Variants in ITPR2 observed in about 807,000 individuals in gnomAD.
ITPR2 encodes inositol 1,4,5-trisphosphate receptor type 2.
A neutral mutation model predicts 317.1 loss-of-function variants in ITPR2; 207 were observed. The observed-to-expected ratio is 0.65, with a 90% CI of 0.58 to 0.73. The LOEUF is 0.73. Ranked by LOEUF, ITPR2 falls within the 30% of genes least tolerant of loss-of-function variation. The probability of loss-of-function intolerance (pLI) is 0.00; values close to 1 mark genes in which losing one functional copy is unlikely to be tolerated. For synonymous variants in ITPR2, 1,156 were observed against 1,149.1 expected (o/e 1.01, Z -0.12); for missense variants, 2,613 against 3,284.0 (o/e 0.80, Z 4.99).
chr12:26,829,732 G>A (rs1230902104), intron 1 of ITPR2, among the ~76,000 whole-genome samples: 2 of 152,074 alleles, frequency 1.3e-5, no homozygotes, highest in African/African-American at 4.8e-5. Flanking sequence ...TACTACAACT[G>A]TCCTTTGAAA....
intron 46 of ITPR2, 21 bp downstream of exon 46, chr12:26,443,522 C>G: frequency 6.4e-7 from 1 of 1,567,828 alleles, no homozygotes; most frequent in Non-Finnish European, 8.8e-7. Flanking sequence ...TGGTCTCTTT[C>G]AATAAATAAT....
chr12:26,535,348 C>T, intron 37 of ITPR2, among the ~76,000 whole-genome samples: 1 of 152,112 alleles, frequency 6.6e-6, no homozygotes, highest in East Asian at 1.9e-4. Flanking sequence ...CGGTCGAGGT[C>T]ACAGAAGACC....
chr12:26,829,526 C>T (rs1179459421), intron 1 of ITPR2, among the ~76,000 whole-genome samples: 1 of 152,104 alleles, frequency 6.6e-6, no homozygotes, highest in East Asian at 1.9e-4. Flanking sequence ...ATTTTTTGTA[C>T]AGACAGGGTC....
At chr12:26,608,786 T>TAA (rs34171335) in intron 26 of ITPR2, among the ~76,000 whole-genome samples, 15 of 100,280 alleles carry the variant, frequency 1.5e-4, no homozygotes, top group Non-Finnish European at 1.9e-4. Flanking sequence ...ACTTTTAAAT[T>TAA]AAAAAAAAAA....
intron 2 of ITPR2, among the ~76,000 whole-genome samples, chr12:26,777,626 T>C (rs1046382784): frequency 1.3e-5 from 2 of 152,158 alleles, no homozygotes; most frequent in African/African-American, 2.4e-5. Flanking sequence ...AATTGATAAA[T>C]GCATTCCTAC....
intron 2 of ITPR2, among the ~76,000 whole-genome samples, chr12:26,783,984 G>C (rs979606864): frequency 1.3e-5 from 2 of 151,498 alleles, no homozygotes; most frequent in East Asian, 3.9e-4. Flanking sequence ...AACAGGAAAA[G>C]GACTTTAGTG....
At chr12:26,463,111 AT>A (rs1942079867) in intron 45 of ITPR2, among the ~76,000 whole-genome samples, 2 of 152,198 alleles carry the variant, frequency 1.3e-5, no homozygotes, top group Admixed American at 6.5e-5. Flanking sequence ...GTATTTTTAT[AT>A]TGGCTTATGT....
At chr12:26,653,863 T>C (rs1947313542) in intron 21 of ITPR2, 113 bp downstream of exon 21, 3 of 775,624 alleles carry the variant, frequency 3.9e-6, no homozygotes, top group Non-Finnish European at 6.3e-6. Context: ...ATTGTGTTCA[T>C]ATGCACACAT....
At chr12:26,495,353 T>C (rs1942908942) in intron 37 of ITPR2, 93 bp from the exon 38 acceptor site, 2 of 683,218 alleles carry the variant, frequency 2.9e-6, no homozygotes, top group African/African-American at 3.7e-5. Context: ...ATTTTGTGAA[T>C]GATGTTGAGG....
rs140416581 is a variant in ITPR2 at position 26,622,940 on chromosome 12, G to A, written c.3123-535C>T. Among the ~76,000 whole-genome samples, 991 of 152,254 alleles carry A rather than the reference G, an allele frequency of 6.5e-3. 6 individuals are homozygous for A. Among genetic ancestry groups the A allele is most frequent in the African/African-American group, 0.022 (926 of 41,534 alleles). On this transcript the variant is annotated intron_variant, in intron 24 of 56. Transcript: ENST00000381340. Reference sequence around the variant, plus strand: ...TGTTTCAAGATGAAATCATATACTGGTTCATTTCTCCTAGGGAATAATGAA... The same window carrying A: ...TGTTTCAAGATGAAATCATATACTGATTCATTTCTCCTAGGGAATAATGAA...
chr12:26,699,449 G>A (rs140444247), intron 9 of ITPR2, among the ~76,000 whole-genome samples: 1 of 152,218 alleles, frequency 6.6e-6, no homozygotes, highest in East Asian at 1.9e-4. Flanking sequence ...TGCAAAATGA[G>A]AAAAAGACTA....
At chr12:26,783,050 C>T (rs1479196002) in intron 2 of ITPR2, among the ~76,000 whole-genome samples, 1 of 152,112 alleles carries the variant, frequency 6.6e-6, no homozygotes, top group African/African-American at 2.4e-5. Context: ...AAAGGTTAGG[C>T]CCAGCTTTCA....
In ITPR2 at chr12:26,686,471, T is replaced by A. The variant is rs776268273; in HGVS notation, c.1148+10A>T. The A allele has an allele frequency of 5.9e-6, 9 of 1,519,508 alleles. No homozygotes were observed. The highest frequency in any genetic ancestry group is 8.0e-6 in the Non-Finnish European group (9 of 1,127,846). 94.1% of individuals were successfully genotyped at this position (1,519,508 alleles called of 1,614,324 possible). On this transcript the variant is annotated intron_variant, in intron 11 of 56. Transcript: ENST00000381340. Reference sequence around the variant, plus strand: ...TCAAAGAAACATCTTTTAACCATAATTTTTTTTACCTTGGAACCAGGCAGT... The same window carrying A: ...TCAAAGAAACATCTTTTAACCATAAATTTTTTTACCTTGGAACCAGGCAGT...
chr12:26,389,433 A>G (rs1939766603), intron 54 of ITPR2, among the ~76,000 whole-genome samples: 1 of 150,482 alleles, frequency 6.6e-6, no homozygotes. Flanking sequence ...CACTAACCTT[A>G]CCTCTCACTG....
Position 26,567,987 on chromosome 12 carries a change from TATATATATATTATATATATTATATA to T in ITPR2, c.4631-6060_4631-6036del, listed in dbSNP as rs1565609628. On this transcript the variant is annotated intron_variant, in intron 34 of 56. Coordinates refer to ENST00000381340, the MANE Select transcript of ITPR2 (RefSeq NM_002223.4). ...ATATATATTATATATATTATATATA[TATATATATATTATATATATTATATA>T]TATATATATATATATATATAAAATG... is the stretch of plus-strand genomic sequence containing the variant. Among the ~76,000 whole-genome samples the T allele has an allele frequency of 2.0e-3, 35 of 17,596 alleles. 4 individuals carry two copies. Among genetic ancestry groups the T allele is most frequent in the African/African-American group, 3.8e-3 (26 of 6,788 alleles). 11.5% of individuals were successfully genotyped at this position (17,596 alleles called of 152,430 possible). A position where few individuals can be genotyped will look rare whatever the true frequency, so the allele number is the denominator to read the frequency against.
intron 51 of ITPR2, 115 bp from the exon 52 acceptor site, chr12:26,411,527 G>T: frequency 1.5e-6 from 1 of 679,290 alleles, no homozygotes; most frequent in Non-Finnish European, 2.4e-6. Context: ...ACTTAGCTGT[G>T]TTCCTAAAGT....
At chr12:26,631,717 T>C in intron 22 of ITPR2, 149 bp downstream of exon 22, 1 of 649,756 alleles carries the variant, frequency 1.5e-6, no homozygotes. Context: ...GTGATATTTT[T>C]TACCAGGTTT....
intron 45 of ITPR2, among the ~76,000 whole-genome samples, chr12:26,449,401 C>T (rs1000335): frequency 0.79 from 120,801 of 152,114 alleles, 48,231 homozygotes; most frequent in Non-Finnish European, 0.84. Flanking sequence ...AAAACATCTA[C>T]TTTTTTCTCT....
rs577016662 is a variant in ITPR2 at position 26,670,001 on chromosome 12, T to C, written c.1410-3950A>G. 3.3e-4 allele frequency among the ~76,000 whole-genome samples: 50 copies of C among 151,962 alleles called. No individual in the cohort carries two copies. The South Asian group carries it at 8.5e-3, about 26-fold the overall frequency. The stretch of plus-strand genomic sequence containing the variant: ...GGCGGCAGCGAGGCTGGGGGAGGGG[T>C]GCCCGCCATTGCCCAGGCTTGCTTA... On this transcript the variant is annotated intron_variant, in intron 13 of 56. Transcript: ENST00000381340.
Sources: allele counts gnomAD v4.1 joint callset (sites outside exome capture counted in the v4.1 genomes callset), GRCh38; gene constraint gnomAD v4.1.1; transcripts MANE v1.5; gene names NCBI Gene and HGNC (gene_info 2026-07-23, HGNC 2026-07-21).